UCHL5: variants seen among roughly 807,000 people sequenced by gnomAD.
UCHL5 encodes the protein ubiquitin C-terminal hydrolase L5.
A neutral mutation model predicts 53.8 loss-of-function variants in UCHL5; 34 were observed. The observed-to-expected ratio is 0.63, with a 90% CI of 0.48 to 0.84. UCHL5 has a LOEUF of 0.84. Ranked by LOEUF, UCHL5 falls within the 40% of genes least tolerant of loss-of-function variation. The pLI is 0.00. For missense variants in UCHL5, 290 were observed against 385.6 expected (o/e 0.75, Z 2.08); for synonymous variants, 111 against 126.3 (o/e 0.88, Z 0.81).
chr1:193,022,579 T>C (rs986599077), intron 9 of UCHL5, among the ~76,000 whole-genome samples: 2 of 151,422 alleles, frequency 1.3e-5, no homozygotes, highest in Non-Finnish European at 2.9e-5. Context: ...GGCAGGAGAA[T>C]TGCTTGAACC....
At chr1:193,039,727 C>T (rs1287425642) in intron 3 of UCHL5, among the ~76,000 whole-genome samples, 2 of 152,262 alleles carry the variant, frequency 1.3e-5, no homozygotes, top group East Asian at 3.9e-4. Flanking sequence ...GGAAGAATCA[C>T]ATTATCTGAC....
chr1:193,051,212 T>C (rs1448238602), intron 2 of UCHL5, among the ~76,000 whole-genome samples: 1 of 152,054 alleles, frequency 6.6e-6, no homozygotes, highest in Non-Finnish European at 1.5e-5. Context: ...TTTGAGGGCA[T>C]GGTAGTCAGG....
intron 10 of UCHL5, chr1:193,018,834 A>G (rs1015382514): frequency 1.3e-6 from 2 of 1,561,670 alleles, no homozygotes; most frequent in Non-Finnish European, 1.7e-6. Context: ...AAAACAAAAC[A>G]CAGTAAGATC....
At chr1:193,038,287 T>C (rs766097655) in intron 3 of UCHL5, among the ~76,000 whole-genome samples, 44 of 151,900 alleles carry the variant, frequency 2.9e-4, no homozygotes, top group Non-Finnish European at 5.0e-4. Context: ...AAACCCTGTC[T>C]CCACTAAAAA....
intron 3 of UCHL5, among the ~76,000 whole-genome samples, chr1:193,037,036 A>G (rs1350766813): frequency 1.3e-5 from 2 of 152,016 alleles, no homozygotes; most frequent in East Asian, 3.8e-4. Context: ...CGAAAATATC[A>G]AAAAAGTAGA....
intron 10 of UCHL5, chr1:193,020,099 T>C (rs968896508): frequency 1.0e-6 from 1 of 984,876 alleles, no homozygotes; most frequent in Non-Finnish European, 1.2e-6. Context: ...AAACCTATAA[T>C]GGAAAAGAGA....
At chr1:193,024,435 C>G (rs1658378642) in intron 7 of UCHL5, among the ~76,000 whole-genome samples, 1 of 151,038 alleles carries the variant, frequency 6.6e-6, no homozygotes, top group African/African-American at 2.4e-5. Flanking sequence ...CTTAAGAGCT[C>G]AGAAAAAAAC....
chr1:193,051,364 A>G (rs1668980305), intron 2 of UCHL5, among the ~76,000 whole-genome samples: 1 of 151,992 alleles, frequency 6.6e-6, no homozygotes, highest in Admixed American at 6.6e-5. Context: ...CTGGATTACT[A>G]TAAATATATA....
chr1:193,018,608 G>A (rs1389454844), intron 10 of UCHL5: 2 of 1,246,600 alleles, frequency 1.6e-6, no homozygotes, highest in Admixed American at 4.0e-5. Flanking sequence ...GCCATGCCGA[G>A]GGAGAATCAC....
At chr1:193,035,353 A>G (rs1047958119) in intron 3 of UCHL5, among the ~76,000 whole-genome samples, 4 of 152,086 alleles carry the variant, frequency 2.6e-5, no homozygotes, top group African/African-American at 9.6e-5. Context: ...AGGGAAAACA[A>G]GCAAACAATA....
At chr1:193,019,340 C>A (rs1656039419) in intron 10 of UCHL5, among the ~76,000 whole-genome samples, 1 of 151,548 alleles carries the variant, frequency 6.6e-6, no homozygotes, top group African/African-American at 2.4e-5. Flanking sequence ...TGTATACATC[C>A]CTAGACCTTA....
At position 193,023,108 on chromosome 1, in the gene UCHL5, T is replaced by C. The variant is rs1657764276; in HGVS notation, c.733-72A>G. Reference sequence around the variant, plus strand: ...TTACATTCAGAATATTTTAAAATGATAAACACAGTATGATTATTTTCAAAT... The same window carrying C: ...TTACATTCAGAATATTTTAAAATGACAAACACAGTATGATTATTTTCAAAT... On this transcript the variant is annotated intron_variant, in intron 8 of 10. Transcript: ENST00000367454. 3 of 1,146,776 alleles carry C rather than the reference T, an allele frequency of 2.6e-6. No homozygotes were observed. The East Asian group carries it at 7.2e-5, about 27-fold the overall frequency. 71.0% of individuals were successfully genotyped at this position (1,146,776 alleles called of 1,614,324 possible).
At chr1:193,059,632 C>T (rs1432451785), upstream of UCHL5, 4 of 1,401,308 alleles carry the variant, frequency 2.9e-6, no homozygotes, top group Non-Finnish European at 3.8e-6. This position sits in a 1 kb window ranked among gnomAD's most constrained non-coding sequence, Gnocchi z 4.9. Context: ...GGGAACCGAA[C>T]CTGGAATCCC....
At chr1:193,021,039 AT>A (rs1181291634) in intron 10 of UCHL5, 57 bp downstream of exon 10, 16 of 1,306,938 alleles carry the variant, frequency 1.2e-5, no homozygotes, top group Non-Finnish European at 1.6e-5. Flanking sequence ...TAAAAAATAC[AT>A]TTTATGTTTT....
upstream of UCHL5, chr1:193,059,436 G>A (rs1285304762): frequency 6.2e-7 from 1 of 1,610,572 alleles, no homozygotes; most frequent in Admixed American, 1.7e-5. This position sits in a 1 kb window ranked among gnomAD's most constrained non-coding sequence, Gnocchi z 4.9. Flanking sequence ...GAGCGCGGGA[G>A]GACGCTCTAG....
At chr1:193,027,928 G>C in intron 7 of UCHL5, 157 bp downstream of exon 7, 4 of 1,474,924 alleles carry the variant, frequency 2.7e-6, no homozygotes, top group Non-Finnish European at 3.6e-6. Context: ...TCTGAGACCA[G>C]CCTGGGCAAC....
intron 3 of UCHL5, among the ~76,000 whole-genome samples, chr1:193,048,119 T>C (rs909548257): frequency 6.6e-6 from 1 of 152,206 alleles, no homozygotes; most frequent in Non-Finnish European, 1.5e-5. Flanking sequence ...GCTAAATTGT[T>C]AGCTTTTTCC....
chr1:193,021,718 C>T (rs1657075627), intron 9 of UCHL5, among the ~76,000 whole-genome samples: 1 of 152,160 alleles, frequency 6.6e-6, no homozygotes, highest in Admixed American at 6.5e-5. Context: ...ATTATATATT[C>T]TGCCTGGTAG....
At chr1:193,045,803 T>A (rs1667151450) in intron 3 of UCHL5, among the ~76,000 whole-genome samples, 1 of 152,234 alleles carries the variant, frequency 6.6e-6, no homozygotes, top group African/African-American at 2.4e-5. Flanking sequence ...GCATCCACTT[T>A]ATAATGTTTA....
Sources: gnomAD v4.1 joint callset for allele counts (sites outside exome capture counted in the v4.1 genomes callset) on GRCh38, gnomAD v4.1.1 for gene constraint, Gnocchi (gnomAD v3.1) non-coding constraint, MANE v1.5 for transcripts, NCBI Gene and HGNC (gene_info 2026-07-23, HGNC 2026-07-21) for gene names.